TMPRSS11F: variants seen among roughly 807,000 people sequenced by gnomAD.
TMPRSS11F encodes the protein transmembrane protease serine 11F.
TMPRSS11F carries 47 observed loss-of-function variants against 60.2 expected under a neutral mutation model. The observed-to-expected ratio is 0.78, with a 90% CI of 0.62 to 1.00. The LOEUF (loss-of-function observed/expected upper bound fraction) is 1.00, where lower values mean the gene tolerates loss of function less well. Ranked by LOEUF, TMPRSS11F falls within the 50% of genes least tolerant of loss-of-function variation. The pLI, the probability that TMPRSS11F is intolerant of heterozygous loss-of-function variation, is 0.00. For synonymous variants in TMPRSS11F, 166 were observed against 167.3 expected, an observed-to-expected ratio of 0.99 and a Z score of 0.06; for missense variants, 519 against 522.9, an observed-to-expected ratio of 0.99 and a Z score of 0.07.
chr4:68,105,118 T>C (rs1724279621), intron 1 of TMPRSS11F, among the ~76,000 whole-genome samples: 1 of 145,662 alleles, frequency 6.9e-6, no homozygotes, highest in Non-Finnish European at 1.5e-5. Flanking sequence ...CTTTAAATAT[T>C]TGGCAAAATT....
rs72855016 is a variant in TMPRSS11F, at chr4:68,099,066, A to T, written c.12-28T>A. ...GTGATAACAGAAAGAAAATAGAGAC[A>T]ATAAAAATTCATTATAGTTCAACTT... On this transcript the variant is annotated intron_variant, in intron 1 of 9. Coordinates refer to ENST00000356291, the MANE Select transcript of TMPRSS11F (RefSeq NM_207407.2). The T allele has an allele frequency of 2.3e-4, 367 of 1,583,538 alleles. No homozygotes were observed. In the African/African-American group the frequency reaches 4.7e-3, roughly 20 times the overall value.
At chr4:68,115,577 A>C (rs1279957708) in intron 1 of TMPRSS11F, among the ~76,000 whole-genome samples, 1 of 152,146 alleles carries the variant, frequency 6.6e-6, no homozygotes, top group East Asian at 1.9e-4. Flanking sequence ...AAAACACACA[A>C]GATGGCAAGG....
chr4:68,073,699 T>C (rs1723526301), intron 4 of TMPRSS11F, among the ~76,000 whole-genome samples: 1 of 152,216 alleles, frequency 6.6e-6, no homozygotes, highest in Non-Finnish European at 1.5e-5. Flanking sequence ...GTTAACTGTG[T>C]CATTCCCCTG....
At chr4:68,126,051 C>T (rs2109893045) in intron 1 of TMPRSS11F, among the ~76,000 whole-genome samples, 1 of 152,064 alleles carries the variant, frequency 6.6e-6, no homozygotes, top group East Asian at 1.9e-4. Flanking sequence ...TTACTTCATA[C>T]TTATCAAAGT....
chr4:68,069,761 G>A (rs1418714547), intron 6 of TMPRSS11F, among the ~76,000 whole-genome samples: 1 of 151,618 alleles, frequency 6.6e-6, no homozygotes, highest in Middle Eastern at 3.2e-3. Context: ...CATCTCGTAG[G>A]TCATATAAAC....
rs142374718 is a variant in TMPRSS11F at position 68,065,329 on chromosome 4, AT to A, written c.756-386del. Among the ~76,000 whole-genome samples the A allele has an allele frequency of 7.6e-3, 1,162 of 152,050 alleles. 10 individuals are homozygous for A. The highest frequency in any genetic ancestry group is 0.012 in the Non-Finnish European group (800 of 67,962). The stretch of plus-strand genomic sequence containing the variant: ...TTTTATGACTCACTTTTTGGTTCTT[AT>A]TTTACTGGTTTTACTGTGATCGTTG... On this transcript the variant is annotated intron_variant, in intron 7 of 9. Coordinates refer to ENST00000356291, the MANE Select transcript of TMPRSS11F (RefSeq NM_207407.2).
intron 1 of TMPRSS11F, among the ~76,000 whole-genome samples, chr4:68,109,700 A>G (rs2109879819): frequency 6.6e-6 from 1 of 152,320 alleles, no homozygotes; most frequent in East Asian, 1.9e-4. Flanking sequence ...ATTTGTCAGG[A>G]CTATATAAAC....
chr4:68,094,868 C>T (rs1367434760), intron 2 of TMPRSS11F, among the ~76,000 whole-genome samples: 1 of 151,268 alleles, frequency 6.6e-6, no homozygotes, highest in African/African-American at 2.4e-5. Context: ...TTTTTTTTAC[C>T]CCATAACAAG....
rs10018943 is a variant in TMPRSS11F at position 68,053,899 on chromosome 4, G to A, written c.*10C>T. The A allele has an allele frequency of 0.77, 1,234,072 of 1,609,384 alleles. 479,094 individuals are homozygous for A. Among genetic ancestry groups the A allele is most frequent in the East Asian group, 0.87 (38,940 of 44,818 alleles). On this transcript the variant is annotated 3_prime_UTR_variant, in exon 10 of 10. Coordinates refer to ENST00000356291, the MANE Select transcript of TMPRSS11F (RefSeq NM_207407.2). ...TGTGTGCCATGTGTATAACTCATGGGCAATCCACACTACATACCAGTCTTT... is the reference window on the plus strand; with the variant it reads ...TGTGTGCCATGTGTATAACTCATGGACAATCCACACTACATACCAGTCTTT...
chr4:68,113,867 G>T (rs528119030), intron 1 of TMPRSS11F, among the ~76,000 whole-genome samples: 2 of 152,024 alleles, frequency 1.3e-5, no homozygotes, highest in East Asian at 1.9e-4. Flanking sequence ...AATAAAAAAA[G>T]AGCACAATTT....
chr4:68,073,882 G>T, intron 4 of TMPRSS11F, 60 bp downstream of exon 4: 1 of 1,079,292 alleles, frequency 9.3e-7, no homozygotes, highest in Non-Finnish European at 1.3e-6. Context: ...AAGCAATTAG[G>T]TTCATCAAAT....
At chr4:68,100,991 T>C (rs1724180289) in intron 1 of TMPRSS11F, among the ~76,000 whole-genome samples, 1 of 152,166 alleles carries the variant, frequency 6.6e-6, no homozygotes, top group Non-Finnish European at 1.5e-5. Flanking sequence ...TCCCATTCCT[T>C]TTCCCCCTTA....
rs554882992 is a variant in TMPRSS11F, at chr4:68,121,306, G to A, written c.11+8504C>T. Among the ~76,000 whole-genome samples, 7 of 152,166 alleles carry A rather than the reference G, an allele frequency of 4.6e-5. No individual in the cohort carries two copies. The South Asian group carries it at 1.0e-3, about 23-fold the overall frequency. ...TTCTGTTACTTGTGACTGAGTATGC[G>A]AAAACACCTAAGGAGACAAAAACAG... On this transcript the variant is annotated intron_variant, in intron 1 of 9. Transcript: ENST00000356291.
chr4:68,118,802 G>C (rs1724573442), intron 1 of TMPRSS11F, among the ~76,000 whole-genome samples: 1 of 152,164 alleles, frequency 6.6e-6, no homozygotes. Context: ...ATCTTATCTA[G>C]AGTAAGGGGT....
intron 1 of TMPRSS11F, among the ~76,000 whole-genome samples, chr4:68,105,385 A>G (rs766587806): frequency 1.1e-4 from 16 of 152,258 alleles, no homozygotes; most frequent in Non-Finnish European, 1.9e-4. Context: ...ACGTCCGTAT[A>G]TCCTCTAAAC....
chr4:68,072,230 A>ATATATATATATATATATATATATATATAT (rs1553885920), intron 5 of TMPRSS11F, 93 bp downstream of exon 5: 11 of 92,576 alleles, frequency 1.2e-4, no homozygotes, highest in Admixed American at 3.5e-4. Context: ...CCAAAAAAAA[A>ATATATATATATATATATATATATATATAT]ATATATATAT....
intron 2 of TMPRSS11F, among the ~76,000 whole-genome samples, chr4:68,097,334 C>T (rs986963174): frequency 4.6e-5 from 7 of 152,238 alleles, no homozygotes; most frequent in Admixed American, 1.3e-4. Context: ...CGCTGTAAGG[C>T]GAGAATTTAT....
At chr4:68,070,055 T>C in intron 5 of TMPRSS11F, 48 bp from the exon 6 acceptor site, 1 of 1,531,504 alleles carries the variant, frequency 6.5e-7, no homozygotes, top group Non-Finnish European at 9.0e-7. Context: ...TATATTCCCA[T>C]TTTCATGTTG....
In TMPRSS11F at chr4:68,068,792, T is replaced by C. The variant is rs755327885; in HGVS notation, c.581A>G (p.Asn194Ser). The C allele has an allele frequency of 6.2e-7, 1 of 1,614,204 alleles. No individual in the cohort carries two copies. The highest frequency in any genetic ancestry group is 1.7e-5 in the Admixed American group (1 of 60,022). Residue 194 changes from asparagine (N) to serine (S), a missense_variant, in exon 7 of 10, where the codon AAC (asparagine) becomes AGC (serine). By Grantham distance (46) the Asn-to-Ser change is conservative. Coordinates refer to ENST00000356291, the MANE Select transcript of TMPRSS11F (RefSeq NM_207407.2). The part of the protein sequence containing the change: ...SRCGIRMTSS[N>S]MPLPASSSTQ... ...AGAAGAGGATGCTGGTAATGGCATG[T>C]TTGAAGATGTCATCCTTATTCCACA...
Sources: allele counts gnomAD v4.1 joint callset (sites outside exome capture counted in the v4.1 genomes callset), GRCh38; gene constraint gnomAD v4.1.1; transcripts MANE v1.5; gene names NCBI Gene and HGNC (gene_info 2026-07-23, HGNC 2026-07-21).